MFHAS1: variants seen among roughly 807,000 people sequenced by gnomAD.
MFHAS1 encodes the protein malignant fibrous histiocytoma-amplified sequence 1.
In MFHAS1, 50 loss-of-function variants were observed where a neutral mutation model predicts 70.4. That is an observed-to-expected ratio of 0.71 (90% CI 0.57 to 0.90). The LOEUF (loss-of-function observed/expected upper bound fraction) is 0.90. Among genes scored for constraint, MFHAS1 ranks in the 40% least tolerant of loss-of-function variants. The pLI is 0.00. For synonymous variants in MFHAS1, 952 were observed against 620.0 expected (o/e 1.54, Z -7.96); for missense variants, 1,795 against 1,347.6 (o/e 1.33, Z -5.20).
At chr8:8,804,919 A>G (rs1806236831) in intron 1 of MFHAS1, among the ~76,000 whole-genome samples, 1 of 152,164 alleles carries the variant, frequency 6.6e-6, no homozygotes, top group Non-Finnish European at 1.5e-5. Flanking sequence ...TCCTGACAGT[A>G]ATGTTTGCTT....
intron 1 of MFHAS1, among the ~76,000 whole-genome samples, chr8:8,844,296 C>A (rs1005231906): frequency 5.3e-5 from 8 of 152,168 alleles, no homozygotes; most frequent in African/African-American, 1.9e-4. Flanking sequence ...ATTACTATTT[C>A]TCTTTAAAAT....
chr8:8,808,160 C>T (rs557606369), intron 1 of MFHAS1, among the ~76,000 whole-genome samples: 1 of 152,028 alleles, frequency 6.6e-6, no homozygotes, highest in South Asian at 2.1e-4. Flanking sequence ...AGTGTCCCCA[C>T]ACTGTAGACT....
intron 1 of MFHAS1, among the ~76,000 whole-genome samples, chr8:8,832,041 C>T (rs562216889): frequency 9.3e-6 from 1 of 107,956 alleles, no homozygotes; most frequent in Non-Finnish European, 2.0e-5. Context: ...CTTCAAGGCG[C>T]ACATGCACGC....
chr8:8,858,980 T>C (rs958330039), intron 1 of MFHAS1, among the ~76,000 whole-genome samples: 1 of 152,224 alleles, frequency 6.6e-6, no homozygotes, highest in African/African-American at 2.4e-5. Context: ...CAGCGGATGT[T>C]ACTTCTTACA....
rs1563226906 is a variant in MFHAS1, at chr8:8,892,518, A to T, written c.541T>A (p.Ser181Thr). 6.3e-7 allele frequency: 1 copy of T among 1,597,296 alleles called. No individual in the cohort carries two copies. The highest frequency in any genetic ancestry group is 2.3e-5 in the East Asian group (1 of 44,052). Residue 181 changes from serine to threonine, a missense_variant, in exon 1 of 3, where the codon TCC (serine) becomes ACC (threonine). By Grantham distance (58) the Ser-to-Thr change is moderately conservative. Coordinates refer to ENST00000276282, the MANE Select transcript of MFHAS1 (RefSeq NM_004225.3). This position sits in a 1 kb window ranked among gnomAD's most constrained non-coding sequence, Gnocchi z 4.7. ...TCCACGTCCAGGGTGCGCAGGCGGG[A>T]GAGGCAGGAGAGGGAGTCAGGCAGG... is the stretch of plus-strand genomic sequence containing the variant. ...AHLPDSLSCL[S>T]RLRTLDVDHN...
intron 1 of MFHAS1, among the ~76,000 whole-genome samples, chr8:8,872,959 C>T (rs1341377075): frequency 6.6e-6 from 1 of 152,156 alleles, no homozygotes; most frequent in Non-Finnish European, 1.5e-5. Flanking sequence ...GAGACGGAGA[C>T]AACCGGGCAG....
At chr8:8,815,787 C>G (rs1400671955) in intron 1 of MFHAS1, among the ~76,000 whole-genome samples, 2 of 152,182 alleles carry the variant, frequency 1.3e-5, no homozygotes, top group African/African-American at 4.8e-5. Context: ...TGTTACCCAG[C>G]TATGCCGCTC....
At chr8:8,821,838 T>A (rs1389218129) in intron 1 of MFHAS1, 4 of 152,238 alleles carry the variant, frequency 2.6e-5, no homozygotes, top group Non-Finnish European at 5.9e-5. Context: ...CATGTGGACA[T>A]CTGAGGAAAT....
At chr8:8,810,688 G>A (rs1806513304) in intron 1 of MFHAS1, among the ~76,000 whole-genome samples, 1 of 152,192 alleles carries the variant, frequency 6.6e-6, no homozygotes, top group African/African-American at 2.4e-5. Context: ...ATGAACTACT[G>A]ATGTTATCCG....
At chr8:8,805,082 A>G (rs1411549243) in intron 1 of MFHAS1, among the ~76,000 whole-genome samples, 1 of 152,200 alleles carries the variant, frequency 6.6e-6, no homozygotes, top group East Asian at 1.9e-4. Context: ...TCTCTTCTAG[A>G]TCAAAAAGCT....
At chr8:8,818,601 G>T (rs1448036695) in intron 1 of MFHAS1, among the ~76,000 whole-genome samples, 1 of 152,162 alleles carries the variant, frequency 6.6e-6, no homozygotes, top group African/African-American at 2.4e-5. Flanking sequence ...GACCTTATAG[G>T]AACACTACAA....
At chr8:8,797,249 C>G (rs1805936340) in intron 2 of MFHAS1, 116 bp downstream of exon 2, 1 of 1,180,588 alleles carries the variant, frequency 8.5e-7, no homozygotes, top group Non-Finnish European at 1.2e-6. Flanking sequence ...TATGTCTGTT[C>G]AGGAGGACTT....
intron 1 of MFHAS1, among the ~76,000 whole-genome samples, chr8:8,867,806 C>G (rs915604907): frequency 6.6e-6 from 1 of 152,078 alleles, no homozygotes; most frequent in Non-Finnish European, 1.5e-5. Context: ...ATGGGCCCAC[C>G]TCGGCCTCCC....
chr8:8,880,469 G>A (rs543134147), intron 1 of MFHAS1, among the ~76,000 whole-genome samples: 20 of 152,162 alleles, frequency 1.3e-4, no homozygotes, highest in Non-Finnish European at 2.8e-4. Flanking sequence ...TCAGTCATCA[G>A]GGCTTGACTC....
chr8:8,879,723 T>G (rs1332712575), intron 1 of MFHAS1, among the ~76,000 whole-genome samples: 2 of 152,198 alleles, frequency 1.3e-5, no homozygotes, highest in East Asian at 3.9e-4. Context: ...GAATCAACAA[T>G]GACATTAACC....
chr8:8,803,806 T>C (rs1806171685), intron 1 of MFHAS1, among the ~76,000 whole-genome samples: 1 of 151,948 alleles, frequency 6.6e-6, no homozygotes, highest in Non-Finnish European at 1.5e-5. Flanking sequence ...ACCTCGGCTC[T>C]ACTAAAAAAA....
chr8:8,802,884 A>G lies in MFHAS1; in HGVS notation c.2999-5393T>C, dbSNP rs1349117694. Among the ~76,000 whole-genome samples the G allele has an allele frequency of 2.6e-5, 4 of 152,326 alleles. No individual in the cohort carries two copies. The East Asian group carries it at 7.7e-4, about 29-fold the overall frequency. On this transcript the variant is annotated intron_variant, in intron 1 of 2. Coordinates refer to ENST00000276282, the MANE Select transcript of MFHAS1 (RefSeq NM_004225.3). The stretch of plus-strand genomic sequence containing the variant: ...ACACGGGATGCTGAATTCATGGGGA[A>G]GGCAGGTGGAACATCCTTAAAGGGG...
At chr8:8,870,070 A>C (rs958159090) in intron 1 of MFHAS1, among the ~76,000 whole-genome samples, 2 of 152,198 alleles carry the variant, frequency 1.3e-5, no homozygotes, top group African/African-American at 4.8e-5. Flanking sequence ...CCCTCTGAAA[A>C]AAACCATCAG....
chr8:8,797,462 C>T lies in MFHAS1; in HGVS notation c.3028G>A (p.Gly1010Arg), dbSNP rs767130037. ...GELLSQPRPE[G>R]VAEIICPKNG... ...TTGGGGCAAATGATCTCTGCCACTC[C>T]TTCCGGTCTGGGCTGACTCAGCAAC... The change falls in exon 2 of 3, where the codon GGA becomes AGA. Residue 1010 changes from glycine (G) to arginine (R), a missense_variant. By Grantham distance (125) the Gly-to-Arg change is moderately radical. Transcript: ENST00000276282. The T allele has an allele frequency of 5.0e-6, 8 of 1,613,964 alleles. No individual in the cohort carries two copies. The South Asian group carries it at 5.5e-5, about 11-fold the overall frequency.
Sources: gnomAD v4.1 joint callset for allele counts (sites outside exome capture counted in the v4.1 genomes callset) on GRCh38, gnomAD v4.1.1 for gene constraint, Gnocchi (gnomAD v3.1) non-coding constraint, MANE v1.5 for transcripts, NCBI Gene and HGNC (gene_info 2026-07-23, HGNC 2026-07-21) for gene names.